Variants in DDX52 observed in about 807,000 individuals in gnomAD.
DDX52 encodes the protein probable ATP-dependent RNA helicase DDX52.
Under a neutral mutation model 76.1 loss-of-function variants are expected in DDX52, and 59 were observed. The observed-to-expected ratio is 0.78, with a 90% confidence interval of 0.63 to 0.96. The LOEUF (loss-of-function observed/expected upper bound fraction) is 0.96, where lower values mean the gene tolerates loss of function less well. DDX52 is among the 40% of genes least tolerant of loss of function. The pLI is 0.00. For missense variants in DDX52, 707 were observed against 703.9 expected, an observed-to-expected ratio of 1.00 and a Z score of -0.05; for synonymous variants, 231 against 244.1, an observed-to-expected ratio of 0.95 and a Z score of 0.50.
At chr17:37,622,434 C>G (rs1324636320) in intron 9 of DDX52, among the ~76,000 whole-genome samples, 1 of 152,018 alleles carries the variant, frequency 6.6e-6, no homozygotes, top group Non-Finnish European at 1.5e-5. Context: ...GCTGGGATTA[C>G]AGGTGTGCAC....
In DDX52 at chr17:37,632,179, G is replaced by A; in HGVS notation, c.537C>T (p.Asn179=). 1.2e-6 allele frequency: 2 copies of A among 1,613,784 alleles called. No homozygotes were observed. Among genetic ancestry groups the A allele is most frequent in the Non-Finnish European group, 1.7e-6 (2 of 1,179,970 alleles). ...EYKINSRLLQ[N]ILDAGFQMPT... ...GCATTTGGAAACCTGCATCTAGAAT[G>A]TTCTGAAGTAGTCGAGAATTGATTT... The change falls in exon 4 of 15, where the codon AAC becomes AAT. Residue 179 remains asparagine, a synonymous_variant. Coordinates refer to ENST00000617633, the MANE Select transcript of DDX52 (RefSeq NM_007010.5).
At chr17:37,642,392 T>C in intron 1 of DDX52, 84 bp from the exon 2 acceptor site, 2 of 1,423,246 alleles carry the variant, frequency 1.4e-6, no homozygotes, top group South Asian at 2.6e-5. Flanking sequence ...TGACTCCTCA[T>C]CTTTTCTACC....
chr17:37,616,917 C>G (rs2029870495), intron 14 of DDX52, among the ~76,000 whole-genome samples: 1 of 152,180 alleles, frequency 6.6e-6, no homozygotes, highest in South Asian at 2.1e-4. Context: ...AAAGCACACT[C>G]TAATTTTCAT....
chr17:37,625,806 G>T (rs887061938), intron 8 of DDX52, 89 bp downstream of exon 8: 4 of 1,435,792 alleles, frequency 2.8e-6, no homozygotes, highest in African/African-American at 2.9e-5. Flanking sequence ...GCTAGTCTCA[G>T]GCCAAGAAAC....
chr17:37,629,901 G>T, intron 5 of DDX52, 129 bp downstream of exon 5: 1 of 1,270,032 alleles, frequency 7.9e-7, no homozygotes, highest in Non-Finnish European at 1.1e-6. Context: ...GCACTGTGCT[G>T]TGTAGAGGAT....
chr17:37,640,713 C>T (rs959539345), intron 2 of DDX52, among the ~76,000 whole-genome samples: 1 of 147,830 alleles, frequency 6.8e-6, no homozygotes. Flanking sequence ...AAAGGCCAGG[C>T]GCGGTGGCTC....
At chr17:37,632,521 G>A (rs564600967) in intron 3 of DDX52, among the ~76,000 whole-genome samples, 3 of 152,278 alleles carry the variant, frequency 2.0e-5, no homozygotes, top group Non-Finnish European at 4.4e-5. Flanking sequence ...ATGTGTTATT[G>A]TCATAGTCAT....
chr17:37,631,971 G>C, intron 4 of DDX52, 142 bp downstream of exon 4: 6 of 1,131,130 alleles, frequency 5.3e-6, no homozygotes, highest in African/African-American at 1.6e-5. Context: ...GGAGGCACAG[G>C]CATTTGATGA....
At chr17:37,620,992 G>A (rs759857157) in intron 11 of DDX52, 44 bp from the exon 12 acceptor site, 3 of 1,566,846 alleles carry the variant, frequency 1.9e-6, no homozygotes, top group Non-Finnish European at 2.6e-6. Context: ...TGGGGGGAAG[G>A]AGGCTCTCAA....
At position 37,634,449 on chromosome 17, in the gene DDX52, T is replaced by C. The variant is rs577979664; in HGVS notation, c.287-1031A>G. On this transcript the variant is annotated intron_variant, in intron 2 of 14. Transcript: ENST00000617633. ...GAGTTTAAGACCAGCCTGGACAACA[T>C]GATGAAACCCTGTCCCTACAAAAAT... Among the ~76,000 whole-genome samples the C allele has an allele frequency of 9.2e-5, 14 of 151,572 alleles. No homozygotes were observed. In the East Asian group the frequency reaches 2.8e-3, roughly 31 times the overall value.
chr17:37,626,153 C>G, intron 7 of DDX52, 55 bp from the exon 8 acceptor site: 1 of 1,589,158 alleles, frequency 6.3e-7, no homozygotes, highest in African/African-American at 1.3e-5. Flanking sequence ...CAAGACACTT[C>G]ACTAAACTGT....
chr17:37,623,296 G>A (rs1304409760), intron 9 of DDX52, among the ~76,000 whole-genome samples: 3 of 152,048 alleles, frequency 2.0e-5, no homozygotes, highest in African/African-American at 7.2e-5. Context: ...ATGGTGGCAG[G>A]CACCTGTAGT....
chr17:37,633,214 A>G (rs1598764155), intron 3 of DDX52, 74 bp downstream of exon 3: 1 of 1,437,936 alleles, frequency 7.0e-7, no homozygotes, highest in Admixed American at 2.3e-5. Context: ...TAACAACAGA[A>G]TAACCCAAAT....
At position 37,632,150 on chromosome 17, in the gene DDX52, G is replaced by A. The variant is rs370696391; in HGVS notation, c.566C>T (p.Thr189Met). ...TGGGATGGCTTGCATTTGGATTGGC[G>A]TAGGCATTTGGAAACCTGCATCTAG... ...NILDAGFQMP[T>M]PIQMQAIPVM... Residue 189 changes from threonine (T) to methionine (M), a missense_variant, in exon 4 of 15, where the codon ACG (threonine) becomes ATG (methionine). Physicochemically the swap from Thr to Met is moderately conservative, Grantham distance 81. Transcript: ENST00000617633. 4.2e-5 allele frequency: 68 copies of A among 1,613,160 alleles called. No individual in the cohort carries two copies. Among genetic ancestry groups the A allele is most frequent in the Admixed American group, 3.7e-4 (22 of 59,806 alleles).
intron 5 of DDX52, among the ~76,000 whole-genome samples, chr17:37,628,924 T>C (rs1404591600): frequency 1.3e-5 from 2 of 152,156 alleles, no homozygotes; most frequent in Non-Finnish European, 1.5e-5. Context: ...GTTTTCAGAA[T>C]ACAGTACTAC....
intron 14 of DDX52, among the ~76,000 whole-genome samples, chr17:37,614,725 T>C (rs1417198871): frequency 6.6e-6 from 1 of 152,220 alleles, no homozygotes; most frequent in Non-Finnish European, 1.5e-5. Context: ...TATCCTCCGT[T>C]TACAGATGAG....
At chr17:37,616,455 C>T (rs1383727872) in intron 14 of DDX52, among the ~76,000 whole-genome samples, 6 of 152,066 alleles carry the variant, frequency 3.9e-5, no homozygotes, top group African/African-American at 1.2e-4. Flanking sequence ...GAGTTCGAGA[C>T]CATCTTGGCC....
chr17:37,611,956 C>CAAAA lies in DDX52; in HGVS notation c.*2336_*2339dup, dbSNP rs200545664. ...AAATTAGGTAACAGACCCTGTTTCT[C>CAAAA]AAAAAAAAAAAAAAAAACAAAACAA... On this transcript the variant is annotated 3_prime_UTR_variant, in exon 15 of 15. Coordinates refer to ENST00000617633, the MANE Select transcript of DDX52 (RefSeq NM_007010.5). 1.7e-3 allele frequency: 110 copies of CAAAA among 64,656 alleles called. 1 individual carries two copies. Among genetic ancestry groups the CAAAA allele is most frequent in the African/African-American group, 5.2e-3 (105 of 20,062 alleles). The allele number at this position is 64,656 out of a possible 1,614,324, so 4.0% of individuals were successfully genotyped here. A position where few individuals can be genotyped will look rare whatever the true frequency, so the allele number is the denominator to read the frequency against.
In DDX52 at chr17:37,642,109, C is replaced by T; in HGVS notation, c.286+1G>A. 1 of 1,613,104 alleles carries T rather than the reference C, an allele frequency of 6.2e-7. No homozygotes were observed. Reference sequence around the variant, plus strand: ...AAACATGACAGAAATCAAACACTAACCTGAAGTCATCGTCTTCCTTTTTTT... The same window carrying T: ...AAACATGACAGAAATCAAACACTAATCTGAAGTCATCGTCTTCCTTTTTTT... On this transcript the variant is annotated splice_donor_variant, in intron 2 of 14. Coordinates refer to ENST00000617633, the MANE Select transcript of DDX52 (RefSeq NM_007010.5). LOFTEE classifies it high-confidence loss of function.
Sources: allele counts gnomAD v4.1 joint callset (sites outside exome capture counted in the v4.1 genomes callset), GRCh38; gene constraint gnomAD v4.1.1; transcripts MANE v1.5; gene names NCBI Gene and HGNC (gene_info 2026-07-23, HGNC 2026-07-21).